The following ADAM12 variants were observed in gnomAD, a reference collection of about 807,000 sequenced individuals.
ADAM12 encodes disintegrin and metalloproteinase domain-containing protein 12.
A neutral mutation model predicts 106.4 loss-of-function variants in ADAM12; 70 were observed. The observed-to-expected ratio is 0.66, with a 90% confidence interval of 0.54 to 0.80. ADAM12 has a LOEUF of 0.80. Among genes scored for constraint, ADAM12 ranks in the 30% least tolerant of loss-of-function variants. The pLI is 0.00. For synonymous variants in ADAM12, 420 were observed against 433.5 expected, an observed-to-expected ratio of 0.97 and a Z score of 0.39; for missense variants, 1,010 against 1,171.9, an observed-to-expected ratio of 0.86 and a Z score of 2.02.
At chr10:126,377,480 T>G (rs1031237639) in intron 1 of ADAM12, among the ~76,000 whole-genome samples, 1 of 152,088 alleles carries the variant, frequency 6.6e-6, no homozygotes, top group Non-Finnish European at 1.5e-5. Context: ...TTTTTCTGCC[T>G]GCTTTATGTT....
chr10:126,169,971 C>T (rs1551680), intron 3 of ADAM12, among the ~76,000 whole-genome samples: 6,890 of 152,280 alleles, frequency 0.045, 231 homozygotes, highest in Admixed American at 0.1. Context: ...TGCAAGATAT[C>T]GGGGCTGATG....
At chr10:126,095,641 A>C (rs1463238539) in intron 10 of ADAM12, among the ~76,000 whole-genome samples, 1 of 151,260 alleles carries the variant, frequency 6.6e-6, no homozygotes, top group Non-Finnish European at 1.5e-5. Context: ...ATGGTTTATC[A>C]TGAGAGTGGG....
At chr10:126,335,254 G>C (rs969645201) in intron 1 of ADAM12, among the ~76,000 whole-genome samples, 2 of 152,218 alleles carry the variant, frequency 1.3e-5, no homozygotes, top group Non-Finnish European at 2.9e-5. Context: ...GAGATCATTA[G>C]TCAAGAGAAA....
At chr10:126,307,500 T>C (rs1479123329) in intron 2 of ADAM12, among the ~76,000 whole-genome samples, 1 of 152,070 alleles carries the variant, frequency 6.6e-6, no homozygotes, top group Non-Finnish European at 1.5e-5. Context: ...ATTCCAGGCA[T>C]GCACAACCAC....
intron 6 of ADAM12, among the ~76,000 whole-genome samples, chr10:126,116,518 T>TGG (rs370445973): frequency 5.3e-5 from 8 of 151,568 alleles, no homozygotes; most frequent in African/African-American, 1.5e-4. Flanking sequence ...GGGTAGAGGT[T>TGG]GGGGGGGTAA....
chr10:126,166,893 T>C (rs1053913925), intron 3 of ADAM12, among the ~76,000 whole-genome samples: 45 of 152,192 alleles, frequency 3.0e-4, no homozygotes, highest in Non-Finnish European at 2.2e-4. Flanking sequence ...GGGGAAAAGT[T>C]GTAAACCTGA....
intron 5 of ADAM12, among the ~76,000 whole-genome samples, chr10:126,121,263 TTA>T (rs1279085522): frequency 9.1e-6 from 1 of 110,402 alleles, no homozygotes; most frequent in East Asian, 2.4e-4. Context: ...ATACTATATA[TTA>T]TATAATATAT....
At chr10:126,309,279 T>A (rs1193952523) in intron 2 of ADAM12, among the ~76,000 whole-genome samples, 1 of 152,196 alleles carries the variant, frequency 6.6e-6, no homozygotes, top group East Asian at 1.9e-4. Flanking sequence ...GAGACAAGAC[T>A]GTAGCTGTTG....
chr10:126,191,934 G>C (rs1462133797), intron 3 of ADAM12, among the ~76,000 whole-genome samples: 1 of 152,180 alleles, frequency 6.6e-6, no homozygotes, highest in Non-Finnish European at 1.5e-5. Flanking sequence ...AGGTGAGGGG[G>C]AAGCAGGCAC....
intron 1 of ADAM12, among the ~76,000 whole-genome samples, chr10:126,368,598 A>G (rs1348276084): frequency 6.6e-6 from 1 of 152,060 alleles, no homozygotes; most frequent in African/African-American, 2.4e-5. Context: ...AGAAAGCAGC[A>G]TAAAACAAAG....
intron 1 of ADAM12, among the ~76,000 whole-genome samples, chr10:126,343,108 T>C (rs1000240321): frequency 3.9e-5 from 6 of 152,180 alleles, no homozygotes; most frequent in Non-Finnish European, 8.8e-5. Flanking sequence ...ATGTGCCATG[T>C]TGGTGTGCTG....
rs191159882 is a variant in ADAM12, at chr10:126,311,425, G to T, written c.186+18987C>A. Among the ~76,000 whole-genome samples the T allele has an allele frequency of 1.1e-3, 174 of 152,240 alleles. 3 individuals are homozygous for T. Among genetic ancestry groups the T allele is most frequent in the African/African-American group, 3.8e-3 (158 of 41,530 alleles). On this transcript the variant is annotated intron_variant, in intron 2 of 22. Coordinates refer to ENST00000448723, the MANE Select transcript of ADAM12 (RefSeq NM_001288973.2). ...GAGACCTTTGTGGCATAAGGAACAT[G>T]TATCTGGTCTCTGCCCCCTGTTCCT...
In ADAM12 at chr10:126,312,292, GAGGGA is replaced by G. The variant is rs1486445021; in HGVS notation, c.186+18115_186+18119del. 5.3e-5 allele frequency among the ~76,000 whole-genome samples: 8 copies of G among 152,230 alleles called. No individual in the cohort carries two copies. In the South Asian group the frequency reaches 1.5e-3, roughly 28 times the overall value. ...CAGCGGGGGACACAAGATGGGTGCA[GAGGGA>G]ACCCGACAGCGGGGCCTTCCAAGCA... On this transcript the variant is annotated intron_variant, in intron 2 of 22. Transcript: ENST00000448723.
intron 2 of ADAM12, among the ~76,000 whole-genome samples, chr10:126,311,094 T>TACACACACACACACACACACAC (rs67514376): frequency 7.2e-5 from 10 of 138,550 alleles, no homozygotes; most frequent in Non-Finnish European, 1.4e-4. Flanking sequence ...TACACACAAA[T>TACACACACACACACACACACAC]ACACACACAC....
At chr10:126,371,443 T>C (rs905730582) in intron 1 of ADAM12, among the ~76,000 whole-genome samples, 2 of 152,230 alleles carry the variant, frequency 1.3e-5, no homozygotes, top group Non-Finnish European at 2.9e-5. Context: ...TGCAACTTAG[T>C]TTCAGAAAGA....
intron 22 of ADAM12, 139 bp from the exon 23 acceptor site, chr10:126,017,478 G>C: frequency 1.3e-6 from 1 of 751,706 alleles, no homozygotes; most frequent in Non-Finnish European, 2.1e-6. Flanking sequence ...TCATAACGGG[G>C]GTGGGAAACC....
intron 18 of ADAM12, chr10:126,041,980 T>G: frequency 7.0e-7 from 1 of 1,431,188 alleles, no homozygotes; most frequent in African/African-American, 1.4e-5. Flanking sequence ...AGGCTGGACT[T>G]CCCCTCCTGA....
chr10:126,086,217 A>G (rs1955337826), intron 11 of ADAM12, among the ~76,000 whole-genome samples: 1 of 152,114 alleles, frequency 6.6e-6, no homozygotes, highest in Non-Finnish European at 1.5e-5. Context: ...ATGGCTCTGT[A>G]CTGAGGCAGC....
In ADAM12 at chr10:126,218,672, C is replaced by T. The variant is rs1325998677; in HGVS notation, c.260+60243G>A. Among the ~76,000 whole-genome samples the T allele has an allele frequency of 4.6e-5, 7 of 152,314 alleles. No homozygotes were observed. The East Asian group carries it at 1.4e-3, about 29-fold the overall frequency. On this transcript the variant is annotated intron_variant, in intron 3 of 22. Transcript: ENST00000448723. ...CTTGCCAGGGCCTCACACACCCATC[C>T]CACAACACTGGCTTCATATTTGCTT...
Sources: allele counts gnomAD v4.1 joint callset (sites outside exome capture counted in the v4.1 genomes callset), GRCh38; gene constraint gnomAD v4.1.1; transcripts MANE v1.5; gene names NCBI Gene and HGNC (gene_info 2026-07-23, HGNC 2026-07-21).